Variants in RHBDD1 observed in about 807,000 individuals in gnomAD.
The protein encoded by RHBDD1 is rhomboid domain containing 1, also known as rhomboid-related protein 4.
In RHBDD1, 38 loss-of-function variants were observed where a neutral mutation model predicts 36.3. The ratio of observed to expected loss-of-function variants is 1.05; its 90% CI spans 0.81 to 1.37. The LOEUF is 1.37. Among genes scored for constraint, RHBDD1 ranks in the 40% most tolerant of loss-of-function variants. RHBDD1 has a pLI of 0.00. For missense variants in RHBDD1, 393 were observed against 377.6 expected, an observed-to-expected ratio of 1.04 and a Z score of -0.34; for synonymous variants, 151 against 136.5, an observed-to-expected ratio of 1.11 and a Z score of -0.74.
chr2:226,959,569 C>A (rs1952030590), intron 8 of RHBDD1, among the ~76,000 whole-genome samples: 1 of 152,288 alleles, frequency 6.6e-6, no homozygotes, highest in East Asian at 1.9e-4. Flanking sequence ...TTTATCATAT[C>A]ACTATGTGTG....
chr2:226,963,566 T>C (rs1318422365), intron 8 of RHBDD1, among the ~76,000 whole-genome samples: 1 of 152,174 alleles, frequency 6.6e-6, no homozygotes, highest in African/African-American at 2.4e-5. Flanking sequence ...AGTTCATTGA[T>C]TCCTTACTTT....
intron 5 of RHBDD1, among the ~76,000 whole-genome samples, chr2:226,871,784 A>G (rs778101877): frequency 1.1e-4 from 17 of 152,218 alleles, no homozygotes; most frequent in Non-Finnish European, 2.2e-4. Context: ...ATAATACTCC[A>G]TAGGGATGAT....
intron 3 of RHBDD1, among the ~76,000 whole-genome samples, chr2:226,840,657 C>G (rs1205455981): frequency 2.0e-5 from 3 of 152,154 alleles, no homozygotes; most frequent in Non-Finnish European, 4.4e-5. Flanking sequence ...ATATTTGACC[C>G]CAGATCTTCT....
the RHBDD1 span, among the ~76,000 whole-genome samples, chr2:226,809,168 G>A: frequency 6.6e-6 from 1 of 152,256 alleles, no homozygotes; most frequent in South Asian, 2.1e-4. Context: ...CAAAAGAAGA[G>A]GACAAAGATG....
intron 5 of RHBDD1, among the ~76,000 whole-genome samples, chr2:226,871,298 T>G (rs1019456231): frequency 1.1e-4 from 17 of 152,226 alleles, no homozygotes; most frequent in African/African-American, 4.1e-4. Context: ...CATTTGACAG[T>G]AAGTTGTAAA....
At chr2:226,976,118 G>C (rs931909396) in intron 8 of RHBDD1, among the ~76,000 whole-genome samples, 9 of 151,324 alleles carry the variant, frequency 5.9e-5, no homozygotes, top group African/African-American at 2.2e-4. Flanking sequence ...TTGGTACTAG[G>C]GACACTTGGA....
At chr2:226,991,314 C>T (rs1054021838) in intron 8 of RHBDD1, among the ~76,000 whole-genome samples, 6 of 151,990 alleles carry the variant, frequency 3.9e-5, no homozygotes, top group African/African-American at 7.2e-5. Flanking sequence ...CCAAGTAGCA[C>T]GGGATTACAG....
At chr2:226,872,665 G>T (rs1944886619) in intron 5 of RHBDD1, among the ~76,000 whole-genome samples, 1 of 152,180 alleles carries the variant, frequency 6.6e-6, no homozygotes, top group South Asian at 2.1e-4. Flanking sequence ...TAGTGGCAAA[G>T]TGCAGGTTTT....
the RHBDD1 span, among the ~76,000 whole-genome samples, chr2:226,818,725 G>A: frequency 6.6e-6 from 1 of 151,806 alleles, no homozygotes; most frequent in African/African-American, 2.4e-5. Context: ...TGTAATCCTA[G>A]CTACTTGGGA....
In RHBDD1 at chr2:226,914,283, C is replaced by G. The variant is rs34134244; in HGVS notation, c.788C>G (p.Thr263Arg). 1 of 1,613,652 alleles carries G rather than the reference C, an allele frequency of 6.2e-7. No homozygotes were observed. Among genetic ancestry groups the G allele is most frequent in the Non-Finnish European group, 8.5e-7 (1 of 1,179,804 alleles). The change falls in exon 8 of 9, where the codon ACG becomes AGG. Residue 263 changes from threonine (T) to arginine (R), a missense_variant. Coordinates refer to ENST00000392062, the MANE Select transcript of RHBDD1 (RefSeq NM_001167608.3). Reference protein sequence around the residue: ...HYEEAPRNYDTYTAGLSEEEQ... With the variant: ...HYEEAPRNYDRYTAGLSEEEQ... Reference sequence around the variant, plus strand: ...GAAGAAGCACCCAGGAACTATGACACGTACACAGCAGGACTGAGTGAAGAA... The same window carrying G: ...GAAGAAGCACCCAGGAACTATGACAGGTACACAGCAGGACTGAGTGAAGAA...
chr2:226,835,244 T>C (rs1210866046), upstream of RHBDD1, among the ~76,000 whole-genome samples: 4 of 152,200 alleles, frequency 2.6e-5, no homozygotes, highest in African/African-American at 9.7e-5. Context: ...ATTAAATATA[T>C]ATAGCATTGC....
At position 226,958,342 on chromosome 2, in the gene RHBDD1, G is replaced by C. The variant is rs112693958; in HGVS notation, c.857-37089G>C. Among the ~76,000 whole-genome samples, 485 of 152,316 alleles carry C rather than the reference G, an allele frequency of 3.2e-3. 3 individuals are homozygous for C. Among genetic ancestry groups the C allele is most frequent in the African/African-American group, 0.011 (460 of 41,574 alleles). ...ATAATAGGCAATCCATGAAGACAGA[G>C]AGTGCATTGGTGGAGCCAAGGCCTA... On this transcript the variant is annotated intron_variant, in intron 8 of 8. Coordinates refer to ENST00000392062, the MANE Select transcript of RHBDD1 (RefSeq NM_001167608.3).
At chr2:226,868,850 T>G (rs1442548792) in intron 5 of RHBDD1, among the ~76,000 whole-genome samples, 2 of 152,226 alleles carry the variant, frequency 1.3e-5, no homozygotes, top group Non-Finnish European at 2.9e-5. Flanking sequence ...GAAGAAAGCC[T>G]AACAAAATCT....
At chr2:226,955,794 A>G (rs1336785943) in intron 8 of RHBDD1, among the ~76,000 whole-genome samples, 1 of 152,156 alleles carries the variant, frequency 6.6e-6, no homozygotes, top group Non-Finnish European at 1.5e-5. Context: ...TAAGGACATC[A>G]GTCCTGTTGG....
At chr2:226,852,907 A>T (rs1038307920) in intron 3 of RHBDD1, among the ~76,000 whole-genome samples, 5 of 130,496 alleles carry the variant, frequency 3.8e-5, no homozygotes, top group African/African-American at 1.0e-4. Flanking sequence ...CTAATTTATT[A>T]TTATTATTAT....
chr2:226,988,445 T>TA, intron 8 of RHBDD1: 1 of 1,549,746 alleles, frequency 6.5e-7, no homozygotes, highest in Non-Finnish European at 8.7e-7. Context: ...AGTTTGGACC[T>TA]AAGGAATCCT....
chr2:226,815,569 G>T, the RHBDD1 span, among the ~76,000 whole-genome samples: 1 of 152,098 alleles, frequency 6.6e-6, no homozygotes, highest in Non-Finnish European at 1.5e-5. Context: ...TGTATTAATT[G>T]AAGCATATCA....
At chr2:226,873,873 C>G (rs1003664335) in intron 5 of RHBDD1, among the ~76,000 whole-genome samples, 6 of 152,104 alleles carry the variant, frequency 3.9e-5, no homozygotes, top group African/African-American at 1.2e-4. Context: ...TGTTTTCACA[C>G]TGCTATAAAG....
At chr2:226,940,194 G>A (rs1028275053) in intron 8 of RHBDD1, among the ~76,000 whole-genome samples, 5 of 151,818 alleles carry the variant, frequency 3.3e-5, no homozygotes, top group East Asian at 1.9e-4. Flanking sequence ...GTTGGGATTC[G>A]ATCAGGCTGG....
Sources: allele counts gnomAD v4.1 joint callset (sites outside exome capture counted in the v4.1 genomes callset), GRCh38; gene constraint gnomAD v4.1.1; transcripts MANE v1.5; gene names NCBI Gene and HGNC (gene_info 2026-07-23, HGNC 2026-07-21).